Variants in PTPRE observed in about 807,000 individuals in gnomAD.
PTPRE encodes protein tyrosine phosphatase receptor type E, also known as receptor-type tyrosine-protein phosphatase epsilon.
PTPRE carries 51 observed loss-of-function variants against 102.0 expected under a neutral mutation model. The observed-to-expected ratio is 0.50, with a 90% confidence interval of 0.40 to 0.63. The LOEUF is 0.63. PTPRE is among the 30% of genes least tolerant of loss of function. The probability of loss-of-function intolerance (pLI) is 0.00; values close to 1 mark genes in which losing one functional copy is unlikely to be tolerated. For missense variants in PTPRE, 752 were observed against 915.1 expected (o/e 0.82, Z 2.30); for synonymous variants, 345 against 348.2 (o/e 0.99, Z 0.10).
In PTPRE at chr10:128,028,974, G is replaced by A. The variant is rs1846494024; in HGVS notation, c.-7-11901G>A. On this transcript the variant is annotated intron_variant, in intron 2 of 20. Transcript: ENST00000254667. This position sits in a 1 kb window ranked among gnomAD's most constrained non-coding sequence, Gnocchi z 4.5. ...CCCCAGAGGCCTCCCGCTGGGATTT[G>A]TCTCCACTTTGCAGTTGCCTTTTGC... is the stretch of plus-strand genomic sequence containing the variant. 6.6e-6 allele frequency among the ~76,000 whole-genome samples: 1 copy of A among 152,184 alleles called. No individual in the cohort carries two copies. The highest frequency in any genetic ancestry group is 2.1e-4 in the South Asian group (1 of 4,834).
chr10:128,024,052 T>C (rs1290966419), intron 2 of PTPRE, among the ~76,000 whole-genome samples: 1 of 152,238 alleles, frequency 6.6e-6, no homozygotes, highest in Non-Finnish European at 1.5e-5. Context: ...TGGTAATCTT[T>C]GAAACTCATG....
At chr10:128,015,663 A>G (rs898330270) in intron 2 of PTPRE, among the ~76,000 whole-genome samples, 4 of 152,082 alleles carry the variant, frequency 2.6e-5, no homozygotes, top group Non-Finnish European at 5.9e-5. Flanking sequence ...CGTCCAGCTG[A>G]GCTCATCTTA....
chr10:127,957,133 C>A (rs902224027), intron 1 of PTPRE, among the ~76,000 whole-genome samples: 2 of 152,076 alleles, frequency 1.3e-5, no homozygotes, highest in Admixed American at 1.3e-4. Flanking sequence ...GGTATTGTAT[C>A]TAAAAAGTCA....
At chr10:128,006,459 G>T (rs1324722143) in intron 2 of PTPRE, among the ~76,000 whole-genome samples, 1 of 152,194 alleles carries the variant, frequency 6.6e-6, no homozygotes, top group African/African-American at 2.4e-5. Flanking sequence ...TCTGTTTCCT[G>T]TCTGAACTAA....
chr10:127,988,426 C>G (rs1318484827), intron 2 of PTPRE, among the ~76,000 whole-genome samples: 1 of 151,856 alleles, frequency 6.6e-6, no homozygotes, highest in Admixed American at 6.6e-5. Context: ...CTGCCTCTAC[C>G]TCCTGAGTAG....
chr10:127,958,523 CT>C (rs766404156), intron 1 of PTPRE, among the ~76,000 whole-genome samples: 4 of 152,084 alleles, frequency 2.6e-5, no homozygotes, highest in Non-Finnish European at 5.9e-5. Context: ...TTGAATCAAC[CT>C]TTTATACATG....
chr10:127,988,378 T>C (rs1852300804), intron 2 of PTPRE, among the ~76,000 whole-genome samples: 1 of 149,570 alleles, frequency 6.7e-6, no homozygotes, highest in African/African-American at 2.5e-5. Context: ...CAATCTGGGC[T>C]CTTCGCAAAC....
chr10:128,040,795 C>G (rs1218566380), intron 2 of PTPRE, 80 bp from the exon 3 acceptor site: 1 of 1,089,080 alleles, frequency 9.2e-7, no homozygotes, highest in Non-Finnish European at 1.4e-6. Flanking sequence ...TGGCTCTTCT[C>G]CTCATCATCA....
At chr10:128,041,084 A>T (rs1847652341) in intron 3 of PTPRE, 94 bp downstream of exon 3, 1 of 1,059,678 alleles carries the variant, frequency 9.4e-7, no homozygotes, top group Non-Finnish European at 1.4e-6. Flanking sequence ...GGGTAAGAGA[A>T]GAATGGTGTG....
At chr10:128,033,820 T>A (rs1364434365) in intron 2 of PTPRE, among the ~76,000 whole-genome samples, 1 of 152,182 alleles carries the variant, frequency 6.6e-6, no homozygotes, top group Non-Finnish European at 1.5e-5. Flanking sequence ...AATTTTTGTA[T>A]TTTTAGTAGA....
chr10:128,076,399 A>G (rs939749366), intron 17 of PTPRE, among the ~76,000 whole-genome samples: 17 of 152,006 alleles, frequency 1.1e-4, no homozygotes, highest in Admixed American at 1.1e-3. Flanking sequence ...AAGGTTTCAT[A>G]TATATATGTG....
At chr10:127,951,667 T>A (rs1849034692) in intron 1 of PTPRE, among the ~76,000 whole-genome samples, 1 of 152,202 alleles carries the variant, frequency 6.6e-6, no homozygotes, top group Non-Finnish European at 1.5e-5. Flanking sequence ...CTCCCTGACC[T>A]GTGGAGTGAA....
At chr10:127,911,084 A>G (rs545653609) in intron 1 of PTPRE, among the ~76,000 whole-genome samples, 11 of 140,464 alleles carry the variant, frequency 7.8e-5, no homozygotes, top group Non-Finnish European at 1.4e-4. Context: ...CCTGTCATGG[A>G]AAAAAAAAGA....
chr10:127,931,567 G>T (rs981036839), intron 1 of PTPRE, among the ~76,000 whole-genome samples: 2 of 152,168 alleles, frequency 1.3e-5, no homozygotes, highest in East Asian at 3.8e-4. Flanking sequence ...CCAAGTGTGG[G>T]CATTCCTATG....
intron 2 of PTPRE, among the ~76,000 whole-genome samples, chr10:128,029,458 T>C (rs537839789): frequency 2.6e-5 from 4 of 152,076 alleles, no homozygotes; most frequent in Non-Finnish European, 5.9e-5. Context: ...ATTGACCCTC[T>C]CAGCCCAGAC....
chr10:128,065,166 A>C (rs549031803), intron 10 of PTPRE, among the ~76,000 whole-genome samples: 14 of 152,220 alleles, frequency 9.2e-5, no homozygotes, highest in Non-Finnish European at 7.3e-5. Context: ...GGTAGCCGTC[A>C]TAACACAATG....
At chr10:128,047,640 G>C (rs754432274) in intron 4 of PTPRE, 124 bp from the exon 5 acceptor site, 4 of 1,614,176 alleles carry the variant, frequency 2.5e-6, no homozygotes, top group Non-Finnish European at 3.4e-6. Flanking sequence ...GCCTTAGCGC[G>C]GCTCAGCCAT....
chr10:127,984,082 T>C (rs11015995), intron 2 of PTPRE, among the ~76,000 whole-genome samples: 6,963 of 102,186 alleles, frequency 0.068, 194 homozygotes, highest in South Asian at 0.11. Flanking sequence ...TTCTTTCTTT[T>C]TTTTTTTTTT....
At chr10:127,910,712 C>T (rs1456410636) in intron 1 of PTPRE, among the ~76,000 whole-genome samples, 2 of 152,150 alleles carry the variant, frequency 1.3e-5, no homozygotes, top group Non-Finnish European at 1.5e-5. Flanking sequence ...ATTGACAGGC[C>T]GCTTGGCTGG....
Sources: allele counts gnomAD v4.1 joint callset (sites outside exome capture counted in the v4.1 genomes callset), GRCh38; gene constraint gnomAD v4.1.1; non-coding constraint Gnocchi (gnomAD v3.1); transcripts MANE v1.5; gene names NCBI Gene and HGNC (gene_info 2026-07-23, HGNC 2026-07-21).